Variants in ZFYVE28 observed in about 807,000 individuals in gnomAD.
ZFYVE28 encodes the protein zinc finger FYVE-type containing 28.
ZFYVE28 carries 40 observed loss-of-function variants against 82.1 expected under a neutral mutation model. The observed-to-expected ratio is 0.49, with a 90% CI of 0.38 to 0.63. The LOEUF (loss-of-function observed/expected upper bound fraction) is 0.63, where lower values mean the gene tolerates loss of function less well. ZFYVE28 is among the 30% of genes least tolerant of loss of function. The probability of loss-of-function intolerance (pLI) is 0.00; values close to 1 mark genes in which losing one functional copy is unlikely to be tolerated. For missense variants in ZFYVE28, 1,321 were observed against 1,242.1 expected (o/e 1.06, Z -0.96); for synonymous variants, 612 against 546.1 (o/e 1.12, Z -1.68).
Position 2,341,363 on chromosome 4 carries a change from C to G in ZFYVE28, c.318+115G>C. 1 of 1,424,398 alleles carries G rather than the reference C, an allele frequency of 7.0e-7. No individual in the cohort carries two copies. Among genetic ancestry groups the G allele is most frequent in the Admixed American group, 2.0e-5 (1 of 49,278 alleles). The allele number at this position is 1,424,398 out of a possible 1,614,324, so 88.2% of individuals were successfully genotyped here. ...CACGTAACCCAGAGTGGACGGAGCT[C>G]TTGGAGGAGACACCAGGTCCCGGCA... is the stretch of plus-strand genomic sequence containing the variant. On this transcript the variant is annotated intron_variant, in intron 3 of 12. Transcript: ENST00000290974. The surrounding 1 kb of genome is among the most constrained non-coding windows in gnomAD (Gnocchi z 4.5).
chr4:2,411,780 C>A (rs1732544966), intron 1 of ZFYVE28, among the ~76,000 whole-genome samples: 2 of 152,198 alleles, frequency 1.3e-5, no homozygotes, highest in South Asian at 2.1e-4. Context: ...GATAGAAGCT[C>A]ATCCCCTCAC....
At chr4:2,358,803 C>A (rs1304866784) in intron 1 of ZFYVE28, among the ~76,000 whole-genome samples, 1 of 151,746 alleles carries the variant, frequency 6.6e-6, no homozygotes, top group Non-Finnish European at 1.5e-5. Context: ...AACAGTATCT[C>A]CCCCACTTTT....
intron 6 of ZFYVE28, among the ~76,000 whole-genome samples, chr4:2,326,580 T>C (rs1719876793): frequency 6.6e-6 from 1 of 152,186 alleles, no homozygotes; most frequent in Non-Finnish European, 1.5e-5. Context: ...ATAAAAAAAA[T>C]GATGTTGGGC....
chr4:2,350,299 C>A (rs1177847472), intron 2 of ZFYVE28, among the ~76,000 whole-genome samples: 1 of 151,926 alleles, frequency 6.6e-6, no homozygotes, highest in Non-Finnish European at 1.5e-5. Context: ...CCCATCTCTA[C>A]TAAAAATACA....
intron 8 of ZFYVE28, among the ~76,000 whole-genome samples, chr4:2,279,324 C>G (rs992323988): frequency 6.6e-6 from 1 of 152,106 alleles, no homozygotes; most frequent in South Asian, 2.1e-4. Context: ...CCCAGCTACC[C>G]GGGAAGCTGA....
chr4:2,283,202 A>G (rs1035213703), intron 8 of ZFYVE28, among the ~76,000 whole-genome samples: 3 of 150,120 alleles, frequency 2.0e-5, no homozygotes, highest in African/African-American at 7.4e-5. Context: ...CCACCAATCC[A>G]TGCATCCATC....
intron 1 of ZFYVE28, among the ~76,000 whole-genome samples, chr4:2,371,516 A>C (rs1447633498): frequency 6.6e-6 from 1 of 152,214 alleles, no homozygotes; most frequent in African/African-American, 2.4e-5. Context: ...GCATTATGAG[A>C]GGAAAAATAT....
chr4:2,337,171 C>T (rs555345844), intron 5 of ZFYVE28, among the ~76,000 whole-genome samples: 3 of 152,206 alleles, frequency 2.0e-5, no homozygotes, highest in Admixed American at 6.5e-5. Flanking sequence ...GACAGAAAAG[C>T]GACCGTGGGG....
intron 6 of ZFYVE28, chr4:2,330,937 T>A: frequency 6.5e-7 from 1 of 1,533,696 alleles, no homozygotes; most frequent in Non-Finnish European, 8.7e-7. Context: ...TGACACCTTG[T>A]TTTGACACAG....
At chr4:2,337,384 C>A (rs751641758) in intron 5 of ZFYVE28, 23 bp downstream of exon 5, 44 of 1,579,044 alleles carry the variant, frequency 2.8e-5, no homozygotes, top group Non-Finnish European at 3.5e-5. Context: ...CTGCCCCCAG[C>A]CCCTAAGCAT....
chr4:2,327,205 G>A (rs1445879614), intron 6 of ZFYVE28, among the ~76,000 whole-genome samples: 4 of 140,380 alleles, frequency 2.8e-5, no homozygotes, highest in African/African-American at 8.0e-5. Context: ...AGCTGAGATC[G>A]CACCACTGCA....
At chr4:2,324,014 T>C (rs1042976950) in intron 6 of ZFYVE28, among the ~76,000 whole-genome samples, 18 of 152,190 alleles carry the variant, frequency 1.2e-4, no homozygotes, top group Non-Finnish European at 4.4e-5. Context: ...GGTGGTGCTT[T>C]TGATGTCAAA....
Position 2,320,135 on chromosome 4 carries a change from C to G in ZFYVE28, c.803+35G>C. On this transcript the variant is annotated intron_variant, in intron 7 of 12. Transcript: ENST00000290974. This position sits in a 1 kb window ranked among gnomAD's most constrained non-coding sequence, Gnocchi z 5.1. ...GCCCACCTGTGGCCCTCCTGTCCCC[C>G]TCCCCTCCCCCACCTCCTCTAGCTC... The G allele has an allele frequency of 6.3e-7, 1 of 1,586,520 alleles. No homozygotes were observed. Among genetic ancestry groups the G allele is most frequent in the Non-Finnish European group, 8.6e-7 (1 of 1,156,212 alleles).
intron 8 of ZFYVE28, among the ~76,000 whole-genome samples, chr4:2,290,105 A>ACC (rs1243817617): frequency 2.0e-5 from 3 of 151,840 alleles, no homozygotes; most frequent in Non-Finnish European, 4.4e-5. Flanking sequence ...CGTCAGAGCC[A>ACC]CCCCCCGGTC....
intron 8 of ZFYVE28, among the ~76,000 whole-genome samples, chr4:2,290,106 C>T (rs1314292298): frequency 6.6e-6 from 1 of 152,170 alleles, no homozygotes; most frequent in Non-Finnish European, 1.5e-5. Context: ...GTCAGAGCCA[C>T]CCCCCGGTCA....
At chr4:2,359,334 C>T (rs935315023) in intron 1 of ZFYVE28, among the ~76,000 whole-genome samples, 2 of 152,068 alleles carry the variant, frequency 1.3e-5, no homozygotes, top group Admixed American at 6.5e-5. Context: ...CCATGTTGCC[C>T]GGGCTGGTCT....
rs1438306748 is a variant in ZFYVE28, at chr4:2,418,316, T to C, written c.8A>G (p.Asn3Ser). The C allele has an allele frequency of 4.7e-5, 72 of 1,526,366 alleles. No individual in the cohort carries two copies. Among genetic ancestry groups the C allele is most frequent in the Non-Finnish European group, 5.9e-5 (67 of 1,135,402 alleles). The allele number at this position is 1,526,366 out of a possible 1,614,324, so 94.6% of individuals were successfully genotyped here. Residue 3 changes from asparagine to serine, a missense_variant, in exon 1 of 13, where the codon AAC becomes AGC. This residue lies in a region of ZFYVE28 where 343 missense variants were observed against 408.4 expected (regional missense o/e 0.84). Coordinates refer to ENST00000290974, the MANE Select transcript of ZFYVE28 (RefSeq NM_020972.3). The surrounding 1 kb of genome is among the most constrained non-coding windows in gnomAD (Gnocchi z 4.6). MM[N>S]RFRKWLYKPK... is the part of the protein sequence containing the mutation. ...TTTGTAGAGCCACTTTCGGAACCTG[T>C]TCATCATCGCCGCGCCGGCCCTGGC...
chr4:2,301,138 A>C (rs1577972446), intron 8 of ZFYVE28, among the ~76,000 whole-genome samples: 1 of 151,438 alleles, frequency 6.6e-6, no homozygotes, highest in African/African-American at 2.4e-5. Context: ...CTGCGCTATC[A>C]CCCCCGTATT....
chr4:2,375,758 C>G (rs896372579), intron 1 of ZFYVE28, among the ~76,000 whole-genome samples: 1 of 152,268 alleles, frequency 6.6e-6, no homozygotes, highest in Non-Finnish European at 1.5e-5. Context: ...CTCCACCCCT[C>G]CCTTCTAACC....
Sources: allele counts gnomAD v4.1 joint callset (sites outside exome capture counted in the v4.1 genomes callset), GRCh38; gene constraint gnomAD v4.1.1; regional missense constraint gnomAD v4.1.1; non-coding constraint Gnocchi (gnomAD v3.1); transcripts MANE v1.5; gene names NCBI Gene and HGNC (gene_info 2026-07-23, HGNC 2026-07-21).